CTNND2: variants seen among roughly 807,000 people sequenced by gnomAD.
CTNND2 encodes catenin delta-2.
A neutral mutation model predicts 144.4 loss-of-function variants in CTNND2; 22 were observed. The ratio of observed to expected loss-of-function variants is 0.15; its 90% CI spans 0.11 to 0.22. The LOEUF (loss-of-function observed/expected upper bound fraction) is 0.22. Among genes scored for constraint, CTNND2 ranks in the 10% least tolerant of loss-of-function variants. CTNND2 has a pLI of 1.00. For synonymous variants in CTNND2, 751 were observed against 695.6 expected (o/e 1.08, Z -1.25); for missense variants, 1,353 against 1,618.8 (o/e 0.84, Z 2.82).
At chr5:11,265,097 AAAGAT>A (rs2149963922) in intron 9 of CTNND2, among the ~76,000 whole-genome samples, 1 of 152,336 alleles carries the variant, frequency 6.6e-6, no homozygotes, top group African/African-American at 2.4e-5. Context: ...TTGGCAAAAG[AAAGAT>A]ATCAACAAGT....
At position 11,385,086 on chromosome 5, in the gene CTNND2, G is replaced by A; in HGVS notation, c.756C>T (p.Leu252=). The change falls in exon 7 of 22, where the codon CTC becomes CTT. Residue 252 remains leucine, a synonymous_variant. Coordinates refer to ENST00000304623, the MANE Select transcript of CTNND2 (RefSeq NM_001332.4). ...DAPPAAAAAA[L]YYSSSTLPAP... ...CGGGCAGCGTGGAGCTGGAGTAGTAGAGCGCGGCGGCGGCGGCGGCGGGCG... is the reference window on the plus strand; with the variant it reads ...CGGGCAGCGTGGAGCTGGAGTAGTAAAGCGCGGCGGCGGCGGCGGCGGGCG... 1.9e-6 allele frequency: 2 copies of A among 1,063,072 alleles called. No individual in the cohort carries two copies. Among genetic ancestry groups the A allele is most frequent in the Non-Finnish European group, 2.3e-6 (2 of 883,662 alleles). The allele number at this position is 1,063,072 out of a possible 1,614,324, so 65.9% of individuals were successfully genotyped here.
intron 1 of CTNND2, among the ~76,000 whole-genome samples, chr5:11,885,537 C>T (rs929965443): frequency 6.6e-6 from 1 of 152,000 alleles, no homozygotes; most frequent in African/African-American, 2.4e-5. Context: ...ACCAAAGTGC[C>T]CACTTATATA....
intron 9 of CTNND2, among the ~76,000 whole-genome samples, chr5:11,266,784 T>C (rs1745481012): frequency 6.6e-6 from 1 of 152,242 alleles, no homozygotes; most frequent in Admixed American, 6.5e-5. Context: ...ATAAAGAAGC[T>C]GCCATTATGG....
intron 16 of CTNND2, among the ~76,000 whole-genome samples, chr5:11,039,276 A>G (rs1205983860): frequency 6.6e-6 from 1 of 152,226 alleles, no homozygotes; most frequent in East Asian, 1.9e-4. Flanking sequence ...TGACCTGACT[A>G]AATGTAACCT....
chr5:11,740,955 A>T (rs182227606), intron 1 of CTNND2, among the ~76,000 whole-genome samples: 21 of 152,212 alleles, frequency 1.4e-4, no homozygotes, highest in Non-Finnish European at 2.8e-4. Context: ...CAGCCAACAG[A>T]CACATGAAAA....
In CTNND2 at chr5:11,899,521, C is replaced by T. The variant is rs145634197; in HGVS notation, c.37+4296G>A. 5.6e-3 allele frequency among the ~76,000 whole-genome samples: 856 copies of T among 152,146 alleles called. 9 individuals are homozygous for T. The highest frequency in any genetic ancestry group is 0.02 in the African/African-American group (825 of 41,510). ...TTAGCATATTTTATAAGCAAATCTGCATAATGAAGCAATATTACAATAGGG... is the reference window on the plus strand; with the variant it reads ...TTAGCATATTTTATAAGCAAATCTGTATAATGAAGCAATATTACAATAGGG... On this transcript the variant is annotated intron_variant, in intron 1 of 21. Coordinates refer to ENST00000304623, the MANE Select transcript of CTNND2 (RefSeq NM_001332.4).
intron 9 of CTNND2, among the ~76,000 whole-genome samples, chr5:11,312,604 A>G (rs1261964154): frequency 1.3e-5 from 2 of 151,486 alleles, no homozygotes; most frequent in Non-Finnish European, 2.9e-5. Context: ...GGGAGATACA[A>G]TTCAAGCTGA....
chr5:11,786,327 TTC>T (rs1227840037), intron 1 of CTNND2, among the ~76,000 whole-genome samples: 2 of 152,222 alleles, frequency 1.3e-5, no homozygotes, highest in African/African-American at 2.4e-5. Flanking sequence ...GGAGACTTCT[TTC>T]TGTTACTCTA....
intron 15 of CTNND2, among the ~76,000 whole-genome samples, chr5:11,094,686 G>A (rs1313912801): frequency 6.6e-6 from 1 of 152,052 alleles, no homozygotes; most frequent in Non-Finnish European, 1.5e-5. Context: ...GGATGATCTT[G>A]ATCTCTTGAC....
chr5:11,282,183 G>T (rs563769603), intron 9 of CTNND2, among the ~76,000 whole-genome samples: 1 of 152,082 alleles, frequency 6.6e-6, no homozygotes, highest in South Asian at 2.1e-4. Context: ...GAAAACCTCA[G>T]AATATCAGCA....
intron 2 of CTNND2, among the ~76,000 whole-genome samples, chr5:11,596,328 A>G (rs1172406173): frequency 1.3e-5 from 2 of 152,278 alleles, no homozygotes; most frequent in African/African-American, 4.8e-5. Context: ...ATTTATGTAA[A>G]GTGGTGATCA....
intron 5 of CTNND2, among the ~76,000 whole-genome samples, chr5:11,401,589 T>C (rs1760654167): frequency 1.3e-5 from 2 of 152,314 alleles, no homozygotes; most frequent in African/African-American, 2.4e-5. Flanking sequence ...GTGACAGTAA[T>C]GACCAGTTAA....
chr5:11,122,738 T>C (rs11746234), intron 12 of CTNND2, among the ~76,000 whole-genome samples: 3,466 of 151,376 alleles, frequency 0.023, 141 homozygotes, highest in African/African-American at 0.08. Context: ...AGGAGTGGGG[T>C]GGGCTGTCTG....
chr5:11,527,224 T>C (rs1003675442), intron 3 of CTNND2, among the ~76,000 whole-genome samples: 2 of 152,210 alleles, frequency 1.3e-5, no homozygotes, highest in Non-Finnish European at 2.9e-5. Flanking sequence ...GTAAATGTTA[T>C]GTATTTTTTT....
intron 3 of CTNND2, among the ~76,000 whole-genome samples, chr5:11,524,094 A>G (rs1453215852): frequency 6.6e-6 from 1 of 152,198 alleles, no homozygotes; most frequent in African/African-American, 2.4e-5. Flanking sequence ...GATAAGGGTA[A>G]GAGGGTGGGC....
intron 3 of CTNND2, among the ~76,000 whole-genome samples, chr5:11,545,176 G>T (rs1347818543): frequency 6.7e-6 from 1 of 148,168 alleles, no homozygotes; most frequent in African/African-American, 2.5e-5. Context: ...ACAAAAATTA[G>T]CCAGGCATGG....
At chr5:11,059,976 T>C (rs1746767211) in intron 16 of CTNND2, among the ~76,000 whole-genome samples, 1 of 151,894 alleles carries the variant, frequency 6.6e-6, no homozygotes, top group Non-Finnish European at 1.5e-5. Flanking sequence ...AGAAGTAAAA[T>C]ATTTTTTCCT....
intron 2 of CTNND2, among the ~76,000 whole-genome samples, chr5:11,579,635 T>C (rs138748424): frequency 1.3e-5 from 2 of 152,224 alleles, no homozygotes; most frequent in Non-Finnish European, 2.9e-5. Context: ...AACTTAGTTA[T>C]AATGAGCTGC....
At chr5:11,392,676 A>G (rs1759739632) in intron 6 of CTNND2, among the ~76,000 whole-genome samples, 1 of 152,262 alleles carries the variant, frequency 6.6e-6, no homozygotes, top group South Asian at 2.1e-4. Context: ...TTCACAACAG[A>G]GAGTCATCCT....
Sources: allele counts gnomAD v4.1 joint callset (sites outside exome capture counted in the v4.1 genomes callset), GRCh38; gene constraint gnomAD v4.1.1; transcripts MANE v1.5; gene names NCBI Gene and HGNC (gene_info 2026-07-23, HGNC 2026-07-21).